The following SH3TC1 variants were observed in gnomAD, a reference collection of about 807,000 sequenced individuals.
SH3TC1 encodes the protein SH3 domain and tetratricopeptide repeat-containing protein 1.
Under a neutral mutation model 117.3 loss-of-function variants are expected in SH3TC1, and 135 were observed. The observed-to-expected ratio is 1.15, with a 90% CI of 1.00 to 1.33. SH3TC1 has a LOEUF of 1.33. Ranked by LOEUF, SH3TC1 falls within the 40% of genes most tolerant of loss-of-function variation. The pLI, the probability that SH3TC1 is intolerant of heterozygous loss-of-function variation, is 0.00. For missense variants in SH3TC1, 2,092 were observed against 1,794.3 expected (o/e 1.17, Z -3.00); for synonymous variants, 898 against 816.9 (o/e 1.10, Z -1.69).
Position 8,241,063 on chromosome 4 carries a change from C to A in SH3TC1, c.*108C>A. The stretch of plus-strand genomic sequence containing the variant: ...GCAAATGGAGGCACGAACGCAGGGG[C>A]CAAATAGCAATAAATGGGTTTTGTT... On this transcript the variant is annotated 3_prime_UTR_variant, in exon 18 of 18. Coordinates refer to ENST00000245105, the MANE Select transcript of SH3TC1 (RefSeq NM_018986.5). 2.1e-6 allele frequency: 3 copies of A among 1,451,128 alleles called. No homozygotes were observed. Among genetic ancestry groups the A allele is most frequent in the South Asian group, 1.3e-5 (1 of 76,218 alleles). 89.9% of individuals were successfully genotyped at this position (1,451,128 alleles called of 1,614,324 possible).
Position 8,227,108 on chromosome 4 carries a change from T to A in SH3TC1, c.1414T>A (p.Ser472Thr), listed in dbSNP as rs1720525805. Reference sequence around the variant, plus strand: ...AGCGTCCTGGGGTCTCTGTGCGGCATCCAGCGACGTGAGCTTGCAGGACCC... The same window carrying A: ...AGCGTCCTGGGGTCTCTGTGCGGCAACCAGCGACGTGAGCTTGCAGGACCC... ...EPASWGLCAA[S>T]SDVSLQDPEE... Residue 472 changes from serine to threonine, a missense_variant, in exon 12 of 18, where the codon TCC (serine) becomes ACC (threonine). Transcript: ENST00000245105. The A allele has an allele frequency of 6.2e-7, 1 of 1,612,600 alleles. No homozygotes were observed. Among genetic ancestry groups the A allele is most frequent in the East Asian group, 2.2e-5 (1 of 44,870 alleles).
At chr4:8,202,986 G>A (rs906242865) in intron 1 of SH3TC1, among the ~76,000 whole-genome samples, 2 of 152,224 alleles carry the variant, frequency 1.3e-5, no homozygotes, top group African/African-American at 4.8e-5. Flanking sequence ...CCAGTTCTCA[G>A]GGTGACAGCC....
intron 2 of SH3TC1, among the ~76,000 whole-genome samples, chr4:8,208,443 C>G (rs1215536389): frequency 1.3e-5 from 2 of 150,974 alleles, no homozygotes; most frequent in Admixed American, 6.6e-5. Context: ...TCTCGACTCA[C>G]TACAACCTCC....
At chr4:8,200,657 G>C (rs1191541359) in intron 1 of SH3TC1, among the ~76,000 whole-genome samples, 1 of 152,226 alleles carries the variant, frequency 6.6e-6, no homozygotes, top group African/African-American at 2.4e-5. Flanking sequence ...GGGTGCGCCG[G>C]TTTCCCCTGC....
At position 8,235,447 on chromosome 4, in the gene SH3TC1, G is replaced by T; in HGVS notation, c.3297G>T (p.Val1099=). 6.4e-7 allele frequency: 1 copy of T among 1,555,012 alleles called. No individual in the cohort carries two copies. Residue 1099 remains valine, a synonymous_variant, in exon 15 of 18, where the codon GTG becomes GTT. Coordinates refer to ENST00000245105, the MANE Select transcript of SH3TC1 (RefSeq NM_018986.5). ...CCTCCTTTCAGGTGGCACAGAACGT[G>T]GCCCTGTACACAGGCGACCCCAACC... ...VDLYIQVAQN[V]ALYTGDPNLG...
chr4:8,215,738 G>A (rs964593179), intron 5 of SH3TC1, among the ~76,000 whole-genome samples: 2 of 152,210 alleles, frequency 1.3e-5, no homozygotes, highest in Non-Finnish European at 2.9e-5. Context: ...TCATGATGCG[G>A]GGCGGGGCTT....
intron 12 of SH3TC1, chr4:8,231,385 A>T (rs1721190766): frequency 6.5e-6 from 1 of 154,826 alleles, no homozygotes; most frequent in East Asian, 1.9e-4. Flanking sequence ...CGTGTGTGAT[A>T]GATGTCCACT....
chr4:8,220,228 G>A (rs1235598458), intron 9 of SH3TC1, among the ~76,000 whole-genome samples: 1 of 152,062 alleles, frequency 6.6e-6, no homozygotes, highest in Non-Finnish European at 1.5e-5. Context: ...GCCCCAGGAA[G>A]CTTCTGGGCC....
chr4:8,208,597 C>G (rs1003201349), intron 2 of SH3TC1, among the ~76,000 whole-genome samples: 1 of 152,172 alleles, frequency 6.6e-6, no homozygotes, highest in Non-Finnish European at 1.5e-5. Flanking sequence ...AGGTGATCCA[C>G]CTGTCTGAGC....
rs201858542 is a variant in SH3TC1 at position 8,217,077 on chromosome 4, C to G, written c.749C>G (p.Pro250Arg). ...GGGGCACCCCAGGGAGAGGCGGCCC[C>G]GGAAACAGACTCTTCACCGCCGAGC... is the stretch of plus-strand genomic sequence containing the variant. ...ASGAPQGEAAPETDSSPPSPS... is the reference protein window; with the variant it reads ...ASGAPQGEAARETDSSPPSPS... The change falls in exon 7 of 18, where the codon CCG becomes CGG. Residue 250 changes from proline (P) to arginine (R), a missense_variant. Pro to Arg is a moderately radical substitution (Grantham distance 103). Coordinates refer to ENST00000245105, the MANE Select transcript of SH3TC1 (RefSeq NM_018986.5). The G allele has an allele frequency of 1.2e-6, 2 of 1,612,674 alleles. No individual in the cohort carries two copies. The highest frequency in any genetic ancestry group is 1.7e-6 in the Non-Finnish European group (2 of 1,179,468).
Position 8,209,132 on chromosome 4 carries a change from GAT to G in SH3TC1, c.173-614_173-613del, listed in dbSNP as rs2152981444. Among the ~76,000 whole-genome samples, 1 of 152,328 alleles carries G rather than the reference GAT, an allele frequency of 6.6e-6. No homozygotes were observed. Among genetic ancestry groups the G allele is most frequent in the East Asian group, 1.9e-4 (1 of 5,176 alleles). On this transcript the variant is annotated intron_variant, in intron 2 of 17. Coordinates refer to ENST00000245105, the MANE Select transcript of SH3TC1 (RefSeq NM_018986.5). This position sits in a 1 kb window ranked among gnomAD's most constrained non-coding sequence, Gnocchi z 5.9. ...GAGGCTGAGCCCGTCTGTGGGCTCA[GAT>G]AAAGTCCTCCAAAGATGCCCATGTC... is the stretch of plus-strand genomic sequence containing the variant.
chr4:8,197,572 G>A (rs1296635333), upstream of SH3TC1, among the ~76,000 whole-genome samples: 2 of 152,196 alleles, frequency 1.3e-5, no homozygotes, highest in Non-Finnish European at 2.9e-5. Flanking sequence ...GTCCTTTGGT[G>A]CCTCTGAACC....
chr4:8,203,816 C>T (rs571986424), intron 1 of SH3TC1, among the ~76,000 whole-genome samples: 1 of 152,184 alleles, frequency 6.6e-6, no homozygotes, highest in Admixed American at 6.5e-5. Context: ...CCCTTCACAG[C>T]TGCGTCCTCT....
chr4:8,209,942 A>C lies in SH3TC1; in HGVS notation c.247+120A>C. ...TGTGGCCTCAGACTTCCCACCTTAA[A>C]ATCATGATGGGAATAGAAAGAAGGG... On this transcript the variant is annotated intron_variant, in intron 3 of 17. Coordinates refer to ENST00000245105, the MANE Select transcript of SH3TC1 (RefSeq NM_018986.5). This position sits in a 1 kb window ranked among gnomAD's most constrained non-coding sequence, Gnocchi z 5.9. 1.0e-6 allele frequency: 1 copy of C among 993,430 alleles called. No homozygotes were observed. The highest frequency in any genetic ancestry group is 1.6e-5 in the South Asian group (1 of 64,222). 61.5% of individuals were successfully genotyped at this position (993,430 alleles called of 1,614,324 possible).
chr4:8,184,715 G>C (rs940936605), intron 1 of SH3TC1, among the ~76,000 whole-genome samples: 4 of 152,168 alleles, frequency 2.6e-5, no homozygotes, highest in Non-Finnish European at 5.9e-5. Flanking sequence ...GAATGCATCT[G>C]TGGGGCTCCT....
chr4:8,232,908 G>A, intron 13 of SH3TC1: 1 of 1,200,144 alleles, frequency 8.3e-7, no homozygotes, highest in African/African-American at 1.6e-5. Flanking sequence ...CTAGGAGCTT[G>A]TGGCAAGTGG....
Position 8,236,284 on chromosome 4 carries a change from G to A in SH3TC1, c.3412G>A (p.Ala1138Thr). The change falls in exon 16 of 18, where the codon GCC becomes ACC. Residue 1138 changes from alanine to threonine, a missense_variant. By Grantham distance (58) the Ala-to-Thr change is moderately conservative. Transcript: ENST00000245105. ...CCACCTGCCTGTGTGGCAGGACCGG[G>A]CCCTGCCCCTGGCAGTGACTACGGG... is the stretch of plus-strand genomic sequence containing the variant. Reference protein sequence around the residue: ...EKAVSFYRDRALPLAVTTGNR... With the variant: ...EKAVSFYRDRTLPLAVTTGNR... 2.6e-6 allele frequency: 4 copies of A among 1,552,250 alleles called. No homozygotes were observed. Among genetic ancestry groups the A allele is most frequent in the Non-Finnish European group, 3.5e-6 (4 of 1,148,548 alleles).
intron 1 of SH3TC1, among the ~76,000 whole-genome samples, chr4:8,185,766 C>G (rs1021006619): frequency 1.3e-5 from 2 of 152,216 alleles, no homozygotes; most frequent in Non-Finnish European, 2.9e-5. Flanking sequence ...GCTGTATGGA[C>G]AACCACGTAC....
At position 8,210,910 on chromosome 4, in the gene SH3TC1, G is replaced by C. The variant is rs1718613406; in HGVS notation, c.247+1088G>C. 1.3e-5 allele frequency among the ~76,000 whole-genome samples: 2 copies of C among 151,790 alleles called. No homozygotes were observed. The highest frequency in any genetic ancestry group is 4.2e-4 in the South Asian group (2 of 4,816). ...ATAGGGGGTGAGGGTGTTTGCTCAA[G>C]GGTCCCCTAGCAGAAAACTCTCAGG... On this transcript the variant is annotated intron_variant, in intron 3 of 17. Transcript: ENST00000245105. This position sits in a 1 kb window ranked among gnomAD's most constrained non-coding sequence, Gnocchi z 4.1.
Sources: allele counts gnomAD v4.1 joint callset (sites outside exome capture counted in the v4.1 genomes callset), GRCh38; gene constraint gnomAD v4.1.1; non-coding constraint Gnocchi (gnomAD v3.1); transcripts MANE v1.5; gene names NCBI Gene and HGNC (gene_info 2026-07-23, HGNC 2026-07-21).